SSX2IP: variants seen among roughly 807,000 people sequenced by gnomAD.
The protein encoded by SSX2IP is afadin- and alpha-actinin-binding protein.
In SSX2IP, 55 loss-of-function variants were observed where a neutral mutation model predicts 84.9. That is an observed-to-expected ratio of 0.65 (90% CI 0.52 to 0.81). The LOEUF is 0.81. SSX2IP is among the 30% of genes least tolerant of loss of function. The pLI is 0.00. For synonymous variants in SSX2IP, 239 were observed against 234.7 expected (o/e 1.02, Z -0.17); for missense variants, 664 against 705.2 (o/e 0.94, Z 0.66).
At chr1:84,673,415 A>C (rs531082786) in intron 1 of SSX2IP, among the ~76,000 whole-genome samples, 78 of 152,320 alleles carry the variant, frequency 5.1e-4, no homozygotes, top group African/African-American at 1.8e-3. Context: ...AAACAGAGAG[A>C]AGGCCAGTAT....
chr1:84,684,886 T>C (rs991555025), intron 1 of SSX2IP, among the ~76,000 whole-genome samples: 6 of 152,046 alleles, frequency 3.9e-5, no homozygotes, highest in Non-Finnish European at 8.8e-5. Flanking sequence ...AATTATGTGA[T>C]GCAATAAAAC....
At chr1:84,661,314 C>T (rs371157074) in intron 8 of SSX2IP, among the ~76,000 whole-genome samples, 1 of 151,858 alleles carries the variant, frequency 6.6e-6, no homozygotes, top group South Asian at 2.1e-4. Context: ...TTAACTTATA[C>T]GTAAAGCAAT....
chr1:84,680,642 T>C (rs951338277), intron 1 of SSX2IP, among the ~76,000 whole-genome samples: 1 of 151,762 alleles, frequency 6.6e-6, no homozygotes, highest in African/African-American at 2.4e-5. Context: ...TGAGCTTATT[T>C]AGTCCTCAGG....
At chr1:84,672,898 G>T (rs142687124) in intron 1 of SSX2IP, among the ~76,000 whole-genome samples, 69 of 152,118 alleles carry the variant, frequency 4.5e-4, no homozygotes, top group African/African-American at 1.6e-3. Context: ...GGTGGCATGC[G>T]CCTGTAATCC....
intron 1 of SSX2IP, among the ~76,000 whole-genome samples, chr1:84,683,852 C>T (rs910495903): frequency 1.3e-5 from 2 of 152,098 alleles, no homozygotes; most frequent in Admixed American, 6.5e-5. Flanking sequence ...AATTTACAAA[C>T]AGTGTATCAG....
intron 1 of SSX2IP, among the ~76,000 whole-genome samples, chr1:84,689,646 G>A (rs1001339279): frequency 6.6e-6 from 1 of 152,172 alleles, no homozygotes; most frequent in Non-Finnish European, 1.5e-5. Context: ...CAGCAAATTA[G>A]TATATTCTAT....
Position 84,670,825 on chromosome 1 carries a change from T to C in SSX2IP, c.44-10A>G. On this transcript the variant is annotated splice_polypyrimidine_tract_variant and intron_variant, in intron 2 of 13. Transcript: ENST00000342203. ...GAGATAGTTTTGCTTTCTGAAAGAA[T>C]AAAAGGCATCTATATAAATAATTTA... is the stretch of plus-strand genomic sequence containing the variant. 2 of 1,594,658 alleles carry C rather than the reference T, an allele frequency of 1.3e-6. No homozygotes were observed. The highest frequency in any genetic ancestry group is 1.7e-6 in the Non-Finnish European group (2 of 1,171,088).
rs760471203 is a variant in SSX2IP, at chr1:84,662,540, T to C, written c.674-10A>G. 4 of 1,613,170 alleles carry C rather than the reference T, an allele frequency of 2.5e-6. No individual in the cohort carries two copies. Among genetic ancestry groups the C allele is most frequent in the African/African-American group, 2.7e-5 (2 of 74,860 alleles). The stretch of plus-strand genomic sequence containing the variant: ...TTCAAAATGTCCATAGCTACAAACA[T>C]GAACACATAAAATTAATTCTTACCA... On this transcript the variant is annotated splice_polypyrimidine_tract_variant and intron_variant, in intron 6 of 13. Coordinates refer to ENST00000342203, the MANE Select transcript of SSX2IP (RefSeq NM_001166293.2).
chr1:84,673,398 C>T (rs934028189), intron 1 of SSX2IP, among the ~76,000 whole-genome samples: 1 of 151,998 alleles, frequency 6.6e-6, no homozygotes, highest in African/African-American at 2.4e-5. Flanking sequence ...AATGTGTTAA[C>T]GATGAAAAAC....
At chr1:84,652,749 G>C (rs764067270) in intron 11 of SSX2IP, among the ~76,000 whole-genome samples, 6 of 150,568 alleles carry the variant, frequency 4.0e-5, no homozygotes, top group African/African-American at 7.3e-5. Context: ...AACACGGCCG[G>C]GCACGGTGGC....
At chr1:84,686,397 C>G (rs1471353919) in intron 1 of SSX2IP, among the ~76,000 whole-genome samples, 3 of 152,156 alleles carry the variant, frequency 2.0e-5, no homozygotes, top group Non-Finnish European at 2.9e-5. Flanking sequence ...ACATAAAAAC[C>G]TGTCTTTGGC....
chr1:84,655,219 T>G (rs1650902081), intron 11 of SSX2IP: 1 of 559,798 alleles, frequency 1.8e-6, no homozygotes. Context: ...CAGATACTTT[T>G]TAACAGCAGT....
chr1:84,670,582 T>A, intron 3 of SSX2IP, 64 bp downstream of exon 3: 1 of 1,188,962 alleles, frequency 8.4e-7, no homozygotes, highest in Non-Finnish European at 1.2e-6. Flanking sequence ...GTTTTTCTCA[T>A]AATTTTGATA....
intron 6 of SSX2IP, among the ~76,000 whole-genome samples, chr1:84,662,765 T>A (rs1326488772): frequency 1.3e-5 from 2 of 152,128 alleles, no homozygotes; most frequent in Admixed American, 6.6e-5. Flanking sequence ...AACAAAAGTA[T>A]CTACCAAAGA....
At chr1:84,660,292 G>A (rs921331654) in intron 8 of SSX2IP, among the ~76,000 whole-genome samples, 1 of 152,192 alleles carries the variant, frequency 6.6e-6, no homozygotes, top group Admixed American at 6.5e-5. Context: ...CCCACTGGCT[G>A]AGTAATGGGG....
Position 84,689,656 on chromosome 1 carries a change from T to C in SSX2IP, c.-90+715A>G, listed in dbSNP as rs547418350. Among the ~76,000 whole-genome samples, 111 of 152,326 alleles carry C rather than the reference T, an allele frequency of 7.3e-4. 1 individual carries two copies. The highest frequency in any genetic ancestry group is 2.6e-3 in the African/African-American group (108 of 41,574). On this transcript the variant is annotated intron_variant, in intron 1 of 13. Coordinates refer to ENST00000342203, the MANE Select transcript of SSX2IP (RefSeq NM_001166293.2). ...GCAGACAGCAAATTAGTATATTCTA[T>C]GTCCTGGGCCCAAGCGATATGCCTA...
chr1:84,644,160 T>A lies in SSX2IP; in HGVS notation c.*3273A>T, dbSNP rs1649216418. The A allele has an allele frequency of 6.6e-6, 1 of 152,234 alleles. No individual in the cohort carries two copies. Among genetic ancestry groups the A allele is most frequent in the African/African-American group, 2.4e-5 (1 of 41,454 alleles). The allele number at this position is 152,234 out of a possible 1,614,324, so 9.4% of individuals were successfully genotyped here. ...CAAAATCTAGCAAACAATCATCTGT[T>A]ACATAGTACTTCACAAAGGAAATAA... is the stretch of plus-strand genomic sequence containing the variant. On this transcript the variant is annotated 3_prime_UTR_variant, in exon 14 of 14. Transcript: ENST00000342203.
chr1:84,684,159 T>C (rs1002289162), intron 1 of SSX2IP, among the ~76,000 whole-genome samples: 8 of 152,234 alleles, frequency 5.3e-5, no homozygotes, highest in African/African-American at 1.7e-4. Context: ...TCATTGGTTA[T>C]AGTTGTCAAC....
intron 1 of SSX2IP, among the ~76,000 whole-genome samples, chr1:84,684,913 A>G (rs934935521): frequency 6.6e-6 from 1 of 152,102 alleles, no homozygotes; most frequent in Non-Finnish European, 1.5e-5. Context: ...AGACACCGAG[A>G]GAATGATGAA....
Sources: allele counts gnomAD v4.1 joint callset (sites outside exome capture counted in the v4.1 genomes callset), GRCh38; gene constraint gnomAD v4.1.1; transcripts MANE v1.5; gene names NCBI Gene and HGNC (gene_info 2026-07-23, HGNC 2026-07-21).